COPA: variants seen among roughly 807,000 people sequenced by gnomAD.
The protein encoded by COPA is coat protein complex I subunit alpha.
COPA carries 10 observed loss-of-function variants against 158.7 expected under a neutral mutation model. That is an observed-to-expected ratio of 0.06 (90% CI 0.04 to 0.11). The LOEUF is 0.11. Ranked by LOEUF, COPA falls within the 10% of genes least tolerant of loss-of-function variation. The probability of loss-of-function intolerance (pLI) is 1.00; values close to 1 mark genes in which losing one functional copy is unlikely to be tolerated. For missense variants in COPA, 1,065 were observed against 1,536.7 expected (o/e 0.69, Z 5.13); for synonymous variants, 462 against 542.8 (o/e 0.85, Z 2.07).
chr1:160,327,241 A>C (rs776556907), intron 6 of COPA, among the ~76,000 whole-genome samples: 24 of 152,238 alleles, frequency 1.6e-4, no homozygotes, highest in Non-Finnish European at 2.9e-4. Flanking sequence ...CTCTCATTGA[A>C]AATAAAACCT....
chr1:160,343,051 C>T, intron 1 of COPA, 80 bp downstream of exon 1: 1 of 1,570,378 alleles, frequency 6.4e-7, no homozygotes, highest in South Asian at 1.1e-5. Context: ...CGACCAACAC[C>T]TCTACCCATT....
chr1:160,340,034 T>TCTAAGGTGATTCCTATTCAGGA (rs1299159942), intron 2 of COPA, 52 bp from the exon 3 acceptor site: 34 of 1,586,806 alleles, frequency 2.1e-5, no homozygotes, highest in Non-Finnish European at 2.9e-5. Flanking sequence ...CTTTCTAATC[T>TCTAAGGTGATTCCTATTCAGGA]CTAAGGTGAT....
At chr1:160,310,543 G>A (rs1571162495) in intron 11 of COPA, 1 of 207,012 alleles carries the variant, frequency 4.8e-6, no homozygotes, top group African/African-American at 2.3e-5. Context: ...GAGTGGGACT[G>A]GTTCTGCTTG....
At chr1:160,321,638 A>G (rs954103952) in intron 8 of COPA, among the ~76,000 whole-genome samples, 1 of 152,094 alleles carries the variant, frequency 6.6e-6, no homozygotes, top group East Asian at 1.9e-4. Flanking sequence ...AAGTACAAAA[A>G]TTAGCCAGGT....
Position 160,305,420 on chromosome 1 carries a change from A to G in COPA, c.1667+13T>C, listed in dbSNP as rs142399844. The G allele has an allele frequency of 3.7e-5, 59 of 1,613,274 alleles. 1 individual carries two copies. In the Middle Eastern group the frequency reaches 8.3e-4, roughly 23 times the overall value. ...TGTCTTCTCCCATTCTGTATCCCAGATAATTAACTTACCCAGTGGTGACAG... is the reference window on the plus strand; with the variant it reads ...TGTCTTCTCCCATTCTGTATCCCAGGTAATTAACTTACCCAGTGGTGACAG... On this transcript the variant is annotated intron_variant, in intron 17 of 32. Transcript: ENST00000241704.
chr1:160,312,488 C>A (rs911937384), intron 10 of COPA, among the ~76,000 whole-genome samples: 8 of 152,242 alleles, frequency 5.3e-5, no homozygotes, highest in African/African-American at 1.7e-4. Context: ...TCTTTCCCTA[C>A]TAGCACCATC....
At chr1:160,299,994 G>T (rs932346507) in intron 17 of COPA, among the ~76,000 whole-genome samples, 1 of 152,052 alleles carries the variant, frequency 6.6e-6, no homozygotes, top group Non-Finnish European at 1.5e-5. Flanking sequence ...CAATAGGAAT[G>T]AAAAAGGGGA....
chr1:160,327,370 C>G (rs1156526470), intron 6 of COPA, among the ~76,000 whole-genome samples: 2 of 149,328 alleles, frequency 1.3e-5, no homozygotes, highest in Non-Finnish European at 3.0e-5. Flanking sequence ...AACCCCGTCT[C>G]TACTAAACAT....
At chr1:160,343,092 A>G in intron 1 of COPA, 39 bp downstream of exon 1, 1 of 1,613,596 alleles carries the variant, frequency 6.2e-7, no homozygotes, top group Admixed American at 1.7e-5. Context: ...GCCGCTCCTG[A>G]CATCCAACCT....
intron 11 of COPA, among the ~76,000 whole-genome samples, chr1:160,311,633 A>C: frequency 6.7e-6 from 1 of 149,894 alleles, no homozygotes; most frequent in African/African-American, 2.5e-5. Flanking sequence ...CTGTAGTCCC[A>C]GTACTTGGGA....
intron 13 of COPA, 51 bp from the exon 14 acceptor site, chr1:160,307,296 G>A (rs1261390395): frequency 1.3e-6 from 2 of 1,561,258 alleles, no homozygotes; most frequent in African/African-American, 1.4e-5. Context: ...TCACTGGCAG[G>A]TGACATAGTC....
chr1:160,293,379 C>A lies in COPA; in HGVS notation c.2754+7G>T. 6.2e-7 allele frequency: 1 copy of A among 1,613,406 alleles called. No individual in the cohort carries two copies. ...ATCCCTGCCGTGCTAGGTTTCTTCC[C>A]GCTTACCTGAGTTGGACTTGTTCCC... On this transcript the variant is annotated splice_region_variant and intron_variant, in intron 26 of 32. Coordinates refer to ENST00000241704, the MANE Select transcript of COPA (RefSeq NM_004371.4).
In COPA at chr1:160,297,642, T is replaced by C; in HGVS notation, c.2081A>G (p.Tyr694Cys). The C allele has an allele frequency of 6.2e-7, 1 of 1,614,166 alleles. No homozygotes were observed. The highest frequency in any genetic ancestry group is 8.5e-7 in the Non-Finnish European group (1 of 1,180,018). ...QGNHQIVEMC[Y>C]QRTKNFDKLS... ...TTTGTCAAAGTTTTTGGTACGCTGA[T>C]AGCACATTTCCACAATCTGGTGGTT... The change falls in exon 20 of 33, where the codon TAT becomes TGT. Residue 694 changes from tyrosine (Y) to cysteine (C), a missense_variant. Tyr to Cys is a radical substitution (Grantham distance 194). Around this residue, in one of 2 missense-constraint regions of COPA, gnomAD observed 980 missense variants for 1,357.8 expected, o/e 0.72. Transcript: ENST00000241704.
chr1:160,293,109 C>G, intron 27 of COPA, 57 bp downstream of exon 27: 1 of 1,530,788 alleles, frequency 6.5e-7, no homozygotes, highest in Non-Finnish European at 9.0e-7. Flanking sequence ...ATGAGTCAAC[C>G]ATCTCCCGGG....
At chr1:160,328,119 A>G (rs1305970682) in intron 6 of COPA, among the ~76,000 whole-genome samples, 2 of 152,172 alleles carry the variant, frequency 1.3e-5, no homozygotes, top group African/African-American at 4.8e-5. Flanking sequence ...GTTTTACAAT[A>G]TACTCTCCCA....
intron 6 of COPA, among the ~76,000 whole-genome samples, chr1:160,328,350 C>T (rs1168284755): frequency 1.3e-5 from 2 of 152,108 alleles, no homozygotes; most frequent in Non-Finnish European, 2.9e-5. Flanking sequence ...GTTGCATTTG[C>T]GTGTAATGAT....
intron 3 of COPA, among the ~76,000 whole-genome samples, chr1:160,338,408 A>G (rs1013351024): frequency 6.6e-6 from 1 of 152,210 alleles, no homozygotes; most frequent in African/African-American, 2.4e-5. Flanking sequence ...GTTCTGCGGT[A>G]TAATCACAAT....
intron 32 of COPA, 96 bp downstream of exon 32, chr1:160,290,396 G>C: frequency 6.9e-7 from 1 of 1,459,822 alleles, no homozygotes; most frequent in Non-Finnish European, 9.3e-7. Flanking sequence ...TCAGGGAGCA[G>C]GGGACAAGCA....
chr1:160,333,258 T>A (rs1238170764), intron 5 of COPA, among the ~76,000 whole-genome samples: 1 of 152,210 alleles, frequency 6.6e-6, no homozygotes, highest in African/African-American at 2.4e-5. Flanking sequence ...TAACTCTTCA[T>A]GGAAAGTTCT....
Sources: allele counts gnomAD v4.1 joint callset (sites outside exome capture counted in the v4.1 genomes callset), GRCh38; gene constraint gnomAD v4.1.1; regional missense constraint gnomAD v4.1.1; transcripts MANE v1.5; gene names NCBI Gene and HGNC (gene_info 2026-07-23, HGNC 2026-07-21).